The following ZBTB45 variants were observed in gnomAD, a reference collection of about 807,000 sequenced individuals.
ZBTB45 encodes the protein zinc finger and BTB domain containing 45.
Under a neutral mutation model 28.4 loss-of-function variants are expected in ZBTB45, and 22 were observed. That is an observed-to-expected ratio of 0.77 (90% CI 0.55 to 1.10). The LOEUF (loss-of-function observed/expected upper bound fraction) is 1.10, where lower values mean the gene tolerates loss of function less well. Among genes scored for constraint, ZBTB45 ranks in the 50% least tolerant of loss-of-function variants. The probability of loss-of-function intolerance (pLI) is 0.00; values close to 1 mark genes in which losing one functional copy is unlikely to be tolerated. For synonymous variants in ZBTB45, 361 were observed against 332.3 expected, an observed-to-expected ratio of 1.09 and a Z score of -0.94; for missense variants, 656 against 750.2, an observed-to-expected ratio of 0.87 and a Z score of 1.47.
Position 58,516,665 on chromosome 19 carries a change from C to G in ZBTB45, c.1009G>C (p.Gly337Arg). 6.4e-7 allele frequency: 1 copy of G among 1,565,170 alleles called. No homozygotes were observed. ...GGTGGTGCGGGTGGCCCAGGGGCAC[C>G]CAAGTGAAAGGGGAAGAGTGCAACG... ...PPVALFPFHLGAPGPPAPPPS... is the reference protein window; with the variant it reads ...PPVALFPFHLRAPGPPAPPPS... Residue 337 changes from glycine (G) to arginine (R), a missense_variant, in exon 2 of 3, where the codon GGT (glycine) becomes CGT (arginine). Transcript: ENST00000594051. The surrounding 1 kb of genome is among the most constrained non-coding windows in gnomAD (Gnocchi z 6.2).
intron 1 of ZBTB45, among the ~76,000 whole-genome samples, chr19:58,530,317 G>GT (rs899434814): frequency 2.2e-3 from 325 of 150,996 alleles, no homozygotes; most frequent in Non-Finnish European, 2.4e-3. Context: ...TACTTTTAGT[G>GT]TTTTTTTTTG....
rs192699716 is a variant in ZBTB45, at chr19:58,528,321, G to T, written c.-1+10380C>A. Among the ~76,000 whole-genome samples, 540 of 152,118 alleles carry T rather than the reference G, an allele frequency of 3.5e-3. 2 individuals are homozygous for T. Among genetic ancestry groups the T allele is most frequent in the African/African-American group, 0.012 (498 of 41,500 alleles). ...TTAAAATAGCATGTTGCTCCACACC[G>T]CCTCGTGTTGTTTGTTGGTGCGCTC... On this transcript the variant is annotated intron_variant, in intron 1 of 1. Transcript: ENST00000600130.
At chr19:58,532,671 C>G (rs1004257339) in intron 1 of ZBTB45, among the ~76,000 whole-genome samples, 4 of 151,998 alleles carry the variant, frequency 2.6e-5, no homozygotes, top group Non-Finnish European at 4.4e-5. Flanking sequence ...CTCAGCCTCC[C>G]GAGTAGTTGG....
upstream of ZBTB45, chr19:58,520,260 T>G (rs979470342): frequency 6.6e-6 from 1 of 152,154 alleles, no homozygotes; most frequent in Admixed American, 6.6e-5. Context: ...GCCCGCCCGC[T>G]GTGGGTGGGA....
At chr19:58,534,779 A>G (rs542011373) in intron 1 of ZBTB45, among the ~76,000 whole-genome samples, 5 of 151,826 alleles carry the variant, frequency 3.3e-5, no homozygotes, top group Non-Finnish European at 7.4e-5. Context: ...GATGGTCTCA[A>G]TCTCCTGACC....
At chr19:58,530,966 A>T (rs2053633196) in intron 1 of ZBTB45, among the ~76,000 whole-genome samples, 1 of 152,196 alleles carries the variant, frequency 6.6e-6, no homozygotes. Flanking sequence ...TACAGGAGTG[A>T]GCCACCGCTC....
chr19:58,534,083 C>T (rs1233108940), intron 1 of ZBTB45, among the ~76,000 whole-genome samples: 1 of 152,200 alleles, frequency 6.6e-6, no homozygotes, highest in African/African-American at 2.4e-5. Flanking sequence ...CAGAGATGTT[C>T]TGTTCTTTGC....
chr19:58,516,315 C>G lies in ZBTB45; in HGVS notation c.1279+80G>C. 6.4e-7 allele frequency: 1 copy of G among 1,554,758 alleles called. No homozygotes were observed. Among genetic ancestry groups the G allele is most frequent in the Admixed American group, 1.8e-5 (1 of 56,150 alleles). ...AAAGTAACAGAACAGTGCCAGTGCC[C>G]TGTAACTAGTGCTCAATTCCCCCTC... On this transcript the variant is annotated intron_variant, in intron 2 of 2. Transcript: ENST00000594051. The surrounding 1 kb of genome is among the most constrained non-coding windows in gnomAD (Gnocchi z 6.2).
At chr19:58,536,318 T>C (rs2053659864) in intron 1 of ZBTB45, among the ~76,000 whole-genome samples, 1 of 151,902 alleles carries the variant, frequency 6.6e-6, no homozygotes, top group Admixed American at 6.6e-5. Flanking sequence ...ACAAAAAAAT[T>C]AGCCGGGCAT....
At chr19:58,518,814 A>G (rs1047540562) in intron 1 of ZBTB45, among the ~76,000 whole-genome samples, 2 of 152,054 alleles carry the variant, frequency 1.3e-5, no homozygotes, top group Admixed American at 6.6e-5. Context: ...ACATCCGTAT[A>G]GGCTCCACCA....
At chr19:58,523,343 C>T (rs1044429159), upstream of ZBTB45, among the ~76,000 whole-genome samples, 10 of 151,970 alleles carry the variant, frequency 6.6e-5, no homozygotes, top group Non-Finnish European at 1.5e-4. Context: ...GTCAGGAGTT[C>T]GAGACCACCC....
At chr19:58,533,085 C>T (rs540627834) in intron 1 of ZBTB45, among the ~76,000 whole-genome samples, 5 of 152,296 alleles carry the variant, frequency 3.3e-5, no homozygotes, top group Admixed American at 2.6e-4. Flanking sequence ...ATCCACCCGC[C>T]TTGGCCTCCC....
At chr19:58,523,949 C>G (rs2053591899), upstream of ZBTB45, among the ~76,000 whole-genome samples, 1 of 143,252 alleles carries the variant, frequency 7.0e-6, no homozygotes, top group African/African-American at 2.5e-5. Context: ...TAGCAGGGGC[C>G]TGTAGTCCCA....
chr19:58,525,065 G>A (rs964051548), intron 1 of ZBTB45, among the ~76,000 whole-genome samples: 3 of 152,236 alleles, frequency 2.0e-5, no homozygotes, highest in Middle Eastern at 3.4e-3. Flanking sequence ...CTGACAGCAT[G>A]GGTCAGAGAA....
intron 1 of ZBTB45, among the ~76,000 whole-genome samples, chr19:58,531,779 G>A (rs537801437): frequency 8.5e-5 from 13 of 152,204 alleles, no homozygotes; most frequent in East Asian, 1.9e-4. Context: ...AGCCGATGAC[G>A]GTCACTGTTC....
Position 58,517,646 on chromosome 19 carries a change from T to C in ZBTB45, c.28A>G (p.Ile10Val). 6.2e-7 allele frequency: 1 copy of C among 1,613,594 alleles called. No individual in the cohort carries two copies. Among genetic ancestry groups the C allele is most frequent in the Non-Finnish European group, 8.5e-7 (1 of 1,179,818 alleles). The part of the protein sequence containing the change: MAAAEAVHH[I>V]HLQNFSRSLL... ...GAGCGTGAGAAGTTCTGCAGGTGTA[T>C]GTGATGCACAGCCTCTGCAGCCGCC... The change falls in exon 2 of 3, where the codon ATA becomes GTA. Residue 10 changes from isoleucine to valine, a missense_variant. Physicochemically the swap from Ile to Val is conservative, Grantham distance 29. Around this residue, in one of 3 missense-constraint regions of ZBTB45, gnomAD observed 105 missense variants for 152.4 expected, o/e 0.69. Transcript: ENST00000594051.
intron 1 of ZBTB45, among the ~76,000 whole-genome samples, chr19:58,529,427 A>T (rs989811151): frequency 1.2e-4 from 18 of 152,198 alleles, no homozygotes; most frequent in Non-Finnish European, 5.9e-5. Context: ...CAATAAATAC[A>T]CAGATAACCG....
At position 58,516,456 on chromosome 19, in the gene ZBTB45, G is replaced by A; in HGVS notation, c.1218C>T (p.Ser406=). 6.2e-7 allele frequency: 1 copy of A among 1,614,008 alleles called. No homozygotes were observed. Among genetic ancestry groups the A allele is most frequent in the Non-Finnish European group, 8.5e-7 (1 of 1,179,892 alleles). The part of the protein sequence containing the change: ...PGAEPPTYEC[S]HCRKTFSSRK... Reference sequence around the variant, plus strand: ...GGGAGCTGAACGTCTTGCGACAGTGGCTGCACTCATACGTAGGTGGCTCAG... The same window carrying A: ...GGGAGCTGAACGTCTTGCGACAGTGACTGCACTCATACGTAGGTGGCTCAG... Residue 406 remains serine, a synonymous_variant, in exon 2 of 3, where the codon AGC becomes AGT. Transcript: ENST00000594051. This position sits in a 1 kb window ranked among gnomAD's most constrained non-coding sequence, Gnocchi z 6.2.
At chr19:58,518,429 C>G (rs137900193) in intron 1 of ZBTB45, among the ~76,000 whole-genome samples, 1 of 152,148 alleles carries the variant, frequency 6.6e-6, no homozygotes, top group African/African-American at 2.4e-5. Context: ...CCCTGGCAGC[C>G]CCTAGCATAG....
Sources: gnomAD v4.1 joint callset for allele counts (sites outside exome capture counted in the v4.1 genomes callset) on GRCh38, gnomAD v4.1.1 for gene constraint, gnomAD v4.1.1 regional missense constraint, Gnocchi (gnomAD v3.1) non-coding constraint, MANE v1.5 for transcripts, NCBI Gene and HGNC (gene_info 2026-07-23, HGNC 2026-07-21) for gene names.